The following CNTN4 variants were observed in gnomAD, a reference collection of about 807,000 sequenced individuals.
CNTN4 encodes contactin 4.
A neutral mutation model predicts 122.5 loss-of-function variants in CNTN4; 77 were observed. That is an observed-to-expected ratio of 0.63 (90% CI 0.52 to 0.76). The LOEUF (loss-of-function observed/expected upper bound fraction) is 0.76, where lower values mean the gene tolerates loss of function less well. CNTN4 is among the 30% of genes least tolerant of loss of function. The probability of loss-of-function intolerance (pLI) is 0.00; values close to 1 mark genes in which losing one functional copy is unlikely to be tolerated. For synonymous variants in CNTN4, 512 were observed against 447.0 expected (o/e 1.15, Z -1.83); for missense variants, 1,256 against 1,259.1 (o/e 1.00, Z 0.04).
At chr3:2,271,848 C>T (rs1269994065) in intron 2 of CNTN4, among the ~76,000 whole-genome samples, 1 of 152,032 alleles carries the variant, frequency 6.6e-6, no homozygotes, top group East Asian at 1.9e-4. Flanking sequence ...TTTTGTAATC[C>T]AGAATCATGT....
intron 23 of CNTN4, among the ~76,000 whole-genome samples, chr3:3,046,097 G>A (rs901653243): frequency 1.3e-5 from 2 of 152,060 alleles, no homozygotes; most frequent in African/African-American, 2.4e-5. Context: ...GAAAAGAAAC[G>A]AACAAAGCCT....
intron 4 of CNTN4, among the ~76,000 whole-genome samples, chr3:2,717,828 T>C (rs2087593851): frequency 1.3e-5 from 2 of 152,174 alleles, no homozygotes; most frequent in Non-Finnish European, 2.9e-5. Flanking sequence ...GTTTTTTTGT[T>C]TTGGTATTTG....
At chr3:2,892,450 C>G (rs1232128183) in intron 10 of CNTN4, among the ~76,000 whole-genome samples, 1 of 152,162 alleles carries the variant, frequency 6.6e-6, no homozygotes, top group Admixed American at 6.5e-5. Flanking sequence ...TAACAGCTTA[C>G]TGTCACATCA....
intron 2 of CNTN4, among the ~76,000 whole-genome samples, chr3:2,146,366 G>A (rs1282742929): frequency 6.6e-6 from 1 of 151,342 alleles, no homozygotes; most frequent in Non-Finnish European, 1.5e-5. Context: ...CTATGTTGTA[G>A]ATAGATATTA....
intron 2 of CNTN4, among the ~76,000 whole-genome samples, chr3:2,252,195 C>T (rs2040404013): frequency 6.6e-6 from 1 of 151,888 alleles, no homozygotes; most frequent in Admixed American, 6.6e-5. Context: ...ATTTTTCCCT[C>T]CAACATAGTT....
At chr3:2,135,724 G>C (rs2034660870) in intron 2 of CNTN4, among the ~76,000 whole-genome samples, 1 of 152,162 alleles carries the variant, frequency 6.6e-6, no homozygotes, top group African/African-American at 2.4e-5. Flanking sequence ...CTCTCTCATT[G>C]TCTTCACAAG....
intron 13 of CNTN4, among the ~76,000 whole-genome samples, chr3:2,931,517 T>C (rs2094520307): frequency 6.6e-6 from 1 of 152,228 alleles, no homozygotes; most frequent in Non-Finnish European, 1.5e-5. Flanking sequence ...CAGAGACACT[T>C]TTCCCAGTAA....
chr3:2,231,828 G>A (rs1463522488), intron 2 of CNTN4, among the ~76,000 whole-genome samples: 1 of 152,064 alleles, frequency 6.6e-6, no homozygotes. Flanking sequence ...AATCAATTAT[G>A]TCCTGATAAA....
intron 2 of CNTN4, among the ~76,000 whole-genome samples, chr3:2,141,478 C>T (rs1458682918): frequency 6.6e-6 from 1 of 152,102 alleles, no homozygotes; most frequent in Non-Finnish European, 1.5e-5. Context: ...AGGAAGGAAG[C>T]CCTGCCCAGT....
intron 4 of CNTN4, among the ~76,000 whole-genome samples, chr3:2,633,740 A>G (rs929122885): frequency 9.2e-5 from 14 of 152,236 alleles, no homozygotes; most frequent in Non-Finnish European, 1.8e-4. Context: ...CCTTGCTGGC[A>G]TGAGGTTAAT....
intron 3 of CNTN4, among the ~76,000 whole-genome samples, chr3:2,477,663 A>G (rs2075869997): frequency 6.6e-6 from 1 of 152,218 alleles, no homozygotes; most frequent in South Asian, 2.1e-4. Flanking sequence ...TAGCAAAGTG[A>G]AAATTCAAAA....
intron 2 of CNTN4, among the ~76,000 whole-genome samples, chr3:2,302,603 C>T (rs1290672725): frequency 6.6e-6 from 1 of 152,174 alleles, no homozygotes; most frequent in Non-Finnish European, 1.5e-5. Context: ...AATGCTCCCG[C>T]CTGAAAATCT....
intron 2 of CNTN4, among the ~76,000 whole-genome samples, chr3:2,116,400 G>T (rs2125166831): frequency 6.6e-6 from 1 of 152,164 alleles, no homozygotes; most frequent in South Asian, 2.1e-4. Flanking sequence ...TGGGGTAATT[G>T]CTACAAAATG....
intron 19 of CNTN4, chr3:3,039,795 G>A (rs1699972544): frequency 3.9e-6 from 2 of 508,070 alleles, no homozygotes; most frequent in South Asian, 2.1e-5. Flanking sequence ...AGCTGGGTCT[G>A]CCCCATCAAA....
rs112736224 is a variant in CNTN4 at position 3,045,830 on chromosome 3, G to A, written c.2811+2126G>A. ...AGGCTTCAGATGACCAAACTTCTCCGAGCTAAAGGAGGAAGTTCGAACCCA... is the reference window on the plus strand; with the variant it reads ...AGGCTTCAGATGACCAAACTTCTCCAAGCTAAAGGAGGAAGTTCGAACCCA... On this transcript the variant is annotated intron_variant, in intron 23 of 24. Transcript: ENST00000418658. Among the ~76,000 whole-genome samples the A allele has an allele frequency of 5.7e-3, 873 of 152,280 alleles. 2 individuals carry two copies. The highest frequency in any genetic ancestry group is 9.0e-3 in the Non-Finnish European group (609 of 68,026).
intron 2 of CNTN4, among the ~76,000 whole-genome samples, chr3:2,191,669 G>C (rs917943973): frequency 1.3e-5 from 2 of 151,072 alleles, no homozygotes; most frequent in Non-Finnish European, 2.9e-5. Flanking sequence ...AAGTGAGTGA[G>C]GTTATCTATT....
intron 2 of CNTN4, among the ~76,000 whole-genome samples, chr3:2,298,842 G>A (rs1258269908): frequency 6.6e-6 from 1 of 152,204 alleles, no homozygotes; most frequent in Non-Finnish European, 1.5e-5. Flanking sequence ...GATAGTTTTT[G>A]TGAGGAGTAA....
chr3:2,260,930 C>A (rs559998885), intron 2 of CNTN4, among the ~76,000 whole-genome samples: 1 of 151,932 alleles, frequency 6.6e-6, no homozygotes, highest in South Asian at 2.1e-4. Context: ...GAGGTTTCAC[C>A]ATGTTGGCCA....
chr3:2,899,556 G>A (rs538868601), intron 10 of CNTN4, among the ~76,000 whole-genome samples: 11 of 152,028 alleles, frequency 7.2e-5, no homozygotes, highest in Non-Finnish European at 1.6e-4. Context: ...TTGTGCTTGA[G>A]GCAAGATTTG....
Sources: gnomAD v4.1 joint callset for allele counts (sites outside exome capture counted in the v4.1 genomes callset) on GRCh38, gnomAD v4.1.1 for gene constraint, MANE v1.5 for transcripts, NCBI Gene and HGNC (gene_info 2026-07-23, HGNC 2026-07-21) for gene names.